PTN: variants seen among roughly 807,000 people sequenced by gnomAD.
The protein encoded by PTN is heparin affin regulatory protein.
In PTN, 18 loss-of-function variants were observed where a neutral mutation model predicts 24.1. That is an observed-to-expected ratio of 0.75 (90% CI 0.52 to 1.11). The LOEUF (loss-of-function observed/expected upper bound fraction) is 1.11. PTN is among the 50% of genes least tolerant of loss of function. The pLI is 0.00. For missense variants in PTN, 163 were observed against 198.8 expected, an observed-to-expected ratio of 0.82 and a Z score of 1.08; for synonymous variants, 78 against 68.6, an observed-to-expected ratio of 1.14 and a Z score of -0.67.
chr7:137,248,655 G>A (rs1417240631), intron 4 of PTN, among the ~76,000 whole-genome samples: 2 of 152,172 alleles, frequency 1.3e-5, no homozygotes, highest in African/African-American at 2.4e-5. Flanking sequence ...CCTCCAGCAC[G>A]GGTGACAGAG....
At chr7:137,306,481 T>C (rs1248995767) in intron 1 of PTN, among the ~76,000 whole-genome samples, 1 of 151,976 alleles carries the variant, frequency 6.6e-6, no homozygotes, top group East Asian at 1.9e-4. Context: ...ATTATATAAA[T>C]CAAATGCCCT....
chr7:137,290,584 A>G (rs1394118644), intron 1 of PTN, among the ~76,000 whole-genome samples: 1 of 152,176 alleles, frequency 6.6e-6, no homozygotes, highest in African/African-American at 2.4e-5. Context: ...TACCACATTC[A>G]TTATATCACC....
At chr7:137,310,895 TA>T (rs1310642814) in intron 1 of PTN, among the ~76,000 whole-genome samples, 1 of 152,154 alleles carries the variant, frequency 6.6e-6, no homozygotes, top group African/African-American at 2.4e-5. Context: ...TCTGCTGGCT[TA>T]AAACTTTTCT....
rs1808838611 is a variant in PTN at position 137,252,153 on chromosome 7, A to ACATATGAG, written c.290-770_290-763dup. Reference sequence around the variant, plus strand: ...TACCACCTTACAATTTCCACTGGCAACATATGAGGGATCTGGTTTCTTGGC... The same window carrying ACATATGAG: ...TACCACCTTACAATTTCCACTGGCAACATATGAGCATATGAGGGATCTGGTTTCTTGGC... On this transcript the variant is annotated intron_variant, in intron 3 of 4. Coordinates refer to ENST00000348225, the MANE Select transcript of PTN (RefSeq NM_002825.7). Among the ~76,000 whole-genome samples the ACATATGAG allele has an allele frequency of 2.6e-5, 4 of 152,054 alleles. No individual in the cohort carries two copies. In the South Asian group the frequency reaches 8.3e-4, roughly 32 times the overall value.
intron 1 of PTN, among the ~76,000 whole-genome samples, chr7:137,294,649 A>G (rs1563215175): frequency 6.6e-6 from 1 of 152,080 alleles, no homozygotes. Flanking sequence ...AGTTGCAGTT[A>G]CTGAAAAGCC....
At chr7:137,242,580 C>T (rs1295539124) in intron 4 of PTN, among the ~76,000 whole-genome samples, 2 of 152,192 alleles carry the variant, frequency 1.3e-5, no homozygotes, top group Non-Finnish European at 2.9e-5. Context: ...TTCATTTATG[C>T]ATCTGATTTA....
chr7:137,285,312 C>T (rs1809535979), intron 1 of PTN, among the ~76,000 whole-genome samples: 1 of 152,158 alleles, frequency 6.6e-6, no homozygotes, highest in African/African-American at 2.4e-5. Context: ...CCGGAACTAA[C>T]ACTCAAATAG....
At chr7:137,237,326 T>C (rs1808541243) in intron 4 of PTN, among the ~76,000 whole-genome samples, 2 of 152,094 alleles carry the variant, frequency 1.3e-5, no homozygotes, top group African/African-American at 4.8e-5. Flanking sequence ...GACAATACCT[T>C]GATCTCAGAC....
At chr7:137,239,798 G>C (rs146137727) in intron 4 of PTN, among the ~76,000 whole-genome samples, 2 of 152,280 alleles carry the variant, frequency 1.3e-5, no homozygotes, top group Middle Eastern at 3.4e-3. Context: ...AGTATACGAA[G>C]AGTTTGCCTG....
chr7:137,237,008 T>A (rs971476394), intron 4 of PTN, among the ~76,000 whole-genome samples: 2 of 152,260 alleles, frequency 1.3e-5, no homozygotes, highest in African/African-American at 4.8e-5. Context: ...TAAATCTTTC[T>A]TTTGGTTCAA....
At chr7:137,266,867 C>A (rs931499940) in intron 1 of PTN, among the ~76,000 whole-genome samples, 1 of 91,990 alleles carries the variant, frequency 1.1e-5, no homozygotes, top group Non-Finnish European at 2.0e-5. Flanking sequence ...GTATAGATGG[C>A]CTTTTTTTTT....
chr7:137,292,352 C>G (rs1307370057), intron 1 of PTN, among the ~76,000 whole-genome samples: 1 of 152,148 alleles, frequency 6.6e-6, no homozygotes, highest in Non-Finnish European at 1.5e-5. Flanking sequence ...ATTCCCATGT[C>G]ACGGGAGGGA....
chr7:137,278,336 A>AAAAAAAAAAAAAC (rs1809404884), intron 1 of PTN, among the ~76,000 whole-genome samples: 1 of 132,572 alleles, frequency 7.5e-6, no homozygotes, highest in Non-Finnish European at 1.6e-5. Context: ...AAAAAAAAAA[A>AAAAAAAAAAAAAC]AATGACTACT....
At position 137,260,503 on chromosome 7, in the gene PTN, T is replaced by C. The variant is rs553914860; in HGVS notation, c.-1-5529A>G. Among the ~76,000 whole-genome samples, 6 of 152,108 alleles carry C rather than the reference T, an allele frequency of 3.9e-5. No homozygotes were observed. In the East Asian group the frequency reaches 9.7e-4, roughly 24 times the overall value. On this transcript the variant is annotated intron_variant, in intron 1 of 4. Coordinates refer to ENST00000348225, the MANE Select transcript of PTN (RefSeq NM_002825.7). The stretch of plus-strand genomic sequence containing the variant: ...ATTCAAGGGTGCTTCCCTTGACTTG[T>C]CTAATTTTAATTTATTTTATTTTAT...
At chr7:137,238,475 C>T (rs984141590) in intron 4 of PTN, among the ~76,000 whole-genome samples, 5 of 152,182 alleles carry the variant, frequency 3.3e-5, no homozygotes, top group Non-Finnish European at 7.3e-5. Context: ...CAGAAATTAT[C>T]CAACAGGGCT....
Position 137,251,234 on chromosome 7 carries a change from A to G in PTN, c.447T>C (p.Pro149=). The G allele has an allele frequency of 6.2e-7, 1 of 1,613,966 alleles. No individual in the cohort carries two copies. Among genetic ancestry groups the G allele is most frequent in the South Asian group, 1.1e-5 (1 of 91,074 alleles). Residue 149 remains proline (P), a synonymous_variant, in exon 4 of 5, where the codon CCT becomes CCC. Transcript: ENST00000348225. ...GGTATAATGGCAAGGACTTACCTTGAGGTTTGGGCTTGGTCAGTTTGCCAC... is the reference window on the plus strand; with the variant it reads ...GGTATAATGGCAAGGACTTACCTTGGGGTTTGGGCTTGGTCAGTTTGCCAC... The part of the protein sequence containing the change: ...KPCGKLTKPK[P]QAESKKKKKE...
At chr7:137,295,698 C>CT (rs1221650434) in intron 1 of PTN, among the ~76,000 whole-genome samples, 7 of 151,586 alleles carry the variant, frequency 4.6e-5, no homozygotes, top group Admixed American at 6.6e-5. Context: ...TTTATTTTTC[C>CT]TTTTTTTCAC....
chr7:137,327,763 C>T (rs1212752033), intron 1 of PTN, among the ~76,000 whole-genome samples: 4 of 152,034 alleles, frequency 2.6e-5, no homozygotes, highest in African/African-American at 9.7e-5. Flanking sequence ...TTTGATTTTC[C>T]AGCTCTAAGT....
At chr7:137,339,672 C>T (rs1160055343) in intron 1 of PTN, among the ~76,000 whole-genome samples, 1 of 151,424 alleles carries the variant, frequency 6.6e-6, no homozygotes, top group Non-Finnish European at 1.5e-5. Context: ...AGAATGCCAA[C>T]ATATGGGCAG....
Sources: gnomAD v4.1 joint callset for allele counts (sites outside exome capture counted in the v4.1 genomes callset) on GRCh38, gnomAD v4.1.1 for gene constraint, MANE v1.5 for transcripts, NCBI Gene and HGNC (gene_info 2026-07-23, HGNC 2026-07-21) for gene names.